ARMH1: variants seen among roughly 807,000 people sequenced by gnomAD.
ARMH1 encodes the protein armadillo-like helical domain containing protein 1.
In ARMH1, 34 loss-of-function variants were observed where a neutral mutation model predicts 50.2. The observed-to-expected ratio is 0.68, with a 90% CI of 0.51 to 0.90. ARMH1 has a LOEUF of 0.90. Ranked by LOEUF, ARMH1 falls within the 40% of genes least tolerant of loss-of-function variation. The pLI is 0.00. For missense variants in ARMH1, 538 were observed against 553.9 expected (o/e 0.97, Z 0.29); for synonymous variants, 221 against 224.2 (o/e 0.99, Z 0.13).
Position 44,724,638 on chromosome 1 carries a change from C to G in ARMH1, c.1020C>G (p.Asn340Lys). 1.3e-6 allele frequency: 2 copies of G among 1,504,944 alleles called. No individual in the cohort carries two copies. 93.2% of individuals were successfully genotyped at this position (1,504,944 alleles called of 1,614,324 possible). ...MAAMGNTDHS[N>K]SQRLASLTLE... ...CCATGGGCAACACGGACCACAGCAA[C>G]AGCCAGCGGCTGGCCAGCCTCACGC... is the stretch of plus-strand genomic sequence containing the variant. The change falls in exon 9 of 12, where the codon AAC (asparagine) becomes AAG (lysine). Residue 340 changes from asparagine to lysine, a missense_variant. Coordinates refer to ENST00000535358, the MANE Select transcript of ARMH1 (RefSeq NM_001145636.2). This position sits in a 1 kb window ranked among gnomAD's most constrained non-coding sequence, Gnocchi z 6.4.
intron 6 of ARMH1, among the ~76,000 whole-genome samples, chr1:44,708,103 G>A (rs1356464432): frequency 6.6e-6 from 1 of 152,224 alleles, no homozygotes; most frequent in South Asian, 2.1e-4. Context: ...CAGAGTAGAC[G>A]GGAAGTTAAG....
chr1:44,708,161 G>A (rs557264625), intron 6 of ARMH1, among the ~76,000 whole-genome samples: 18 of 152,364 alleles, frequency 1.2e-4, no homozygotes, highest in Admixed American at 1.1e-3. Context: ...AACTCCGCCC[G>A]AGGGAGGGAA....
At chr1:44,717,175 A>C (rs1338743492) in intron 6 of ARMH1, among the ~76,000 whole-genome samples, 1 of 152,184 alleles carries the variant, frequency 6.6e-6, no homozygotes, top group South Asian at 2.1e-4. Context: ...CTTATTAGCT[A>C]TCTGATCCTG....
intron 6 of ARMH1, among the ~76,000 whole-genome samples, chr1:44,722,527 C>A (rs1002194725): frequency 1.3e-5 from 2 of 150,934 alleles, no homozygotes; most frequent in Non-Finnish European, 2.9e-5. Context: ...CTTTGGGAGG[C>A]CTGAGGTCAG....
Position 44,705,880 on chromosome 1 carries a change from G to A in ARMH1, c.724+1707G>A, listed in dbSNP as rs181959840. ...AGCCGTGGAGAATAGGGAGGATTTG[G>A]GAAGGTCGAAAGGAGGAGAGGAGTT... is the stretch of plus-strand genomic sequence containing the variant. On this transcript the variant is annotated intron_variant, in intron 6 of 11. Coordinates refer to ENST00000535358, the MANE Select transcript of ARMH1 (RefSeq NM_001145636.2). 4.7e-4 allele frequency among the ~76,000 whole-genome samples: 72 copies of A among 152,270 alleles called. 1 individual carries two copies. The highest frequency in any genetic ancestry group is 4.6e-3 in the Admixed American group (70 of 15,298).
At chr1:44,715,839 A>C (rs2148743345) in intron 6 of ARMH1, among the ~76,000 whole-genome samples, 2 of 152,352 alleles carry the variant, frequency 1.3e-5, no homozygotes, top group Non-Finnish European at 2.9e-5. Context: ...CTGGGATTAC[A>C]GGCGTGAGCC....
intron 4 of ARMH1, among the ~76,000 whole-genome samples, chr1:44,700,018 C>G (rs1645993772): frequency 6.6e-6 from 1 of 151,606 alleles, no homozygotes; most frequent in South Asian, 2.1e-4. Context: ...TTAATACAGA[C>G]AGGGTTTCAC....
Position 44,724,797 on chromosome 1 carries a change from C to T in ARMH1, c.1086C>T (p.His362=). 1 of 1,543,776 alleles carries T rather than the reference C, an allele frequency of 6.5e-7. No individual in the cohort carries two copies. The highest frequency in any genetic ancestry group is 8.7e-7 in the Non-Finnish European group (1 of 1,146,740). ...AGATGTTCCCCTTGGTGGCGGAGCA[C>T]GTGCGCAAGTGCATGGGGGAGGAAC... ...FVQMFPLVAE[H]VRKCMGEELY... Residue 362 remains histidine (H), a synonymous_variant, in exon 10 of 12, where the codon CAC becomes CAT. Coordinates refer to ENST00000535358, the MANE Select transcript of ARMH1 (RefSeq NM_001145636.2). This position sits in a 1 kb window ranked among gnomAD's most constrained non-coding sequence, Gnocchi z 6.4.
intron 1 of ARMH1, among the ~76,000 whole-genome samples, chr1:44,688,585 A>G (rs945087010): frequency 4.6e-5 from 7 of 152,204 alleles, no homozygotes; most frequent in Admixed American, 2.0e-4. Flanking sequence ...CTCCATATCA[A>G]TCATGGCCCC....
In ARMH1 at chr1:44,681,736, G is replaced by A. The variant is rs1003237512; in HGVS notation, c.-23+6863G>A. On this transcript the variant is annotated intron_variant, in intron 1 of 11. Transcript: ENST00000535358. The surrounding 1 kb of genome is among the most constrained non-coding windows in gnomAD (Gnocchi z 4.3). ...TACCTAATGGCCTATAACTTTCTTTGTTAAACCCAAAAGTAGGCCTTCTGA... is the reference window on the plus strand; with the variant it reads ...TACCTAATGGCCTATAACTTTCTTTATTAAACCCAAAAGTAGGCCTTCTGA... Among the ~76,000 whole-genome samples the A allele has an allele frequency of 2.0e-5, 3 of 152,176 alleles. No homozygotes were observed. Among genetic ancestry groups the A allele is most frequent in the African/African-American group, 7.2e-5 (3 of 41,434 alleles).
Position 44,724,896 on chromosome 1 carries a change from A to G in ARMH1, c.1128+57A>G. On this transcript the variant is annotated intron_variant, in intron 10 of 11. Transcript: ENST00000535358. The surrounding 1 kb of genome is among the most constrained non-coding windows in gnomAD (Gnocchi z 6.4). The stretch of plus-strand genomic sequence containing the variant: ...AGCAGATGGCGGCTCGGACAGTGTG[A>G]TGCCCCTTCAGACAGTCCCCATCCT... The G allele has an allele frequency of 6.6e-7, 1 of 1,526,002 alleles. No homozygotes were observed. Among genetic ancestry groups the G allele is most frequent in the Non-Finnish European group, 8.8e-7 (1 of 1,139,740 alleles). 94.5% of individuals were successfully genotyped at this position (1,526,002 alleles called of 1,614,324 possible).
intron 6 of ARMH1, among the ~76,000 whole-genome samples, chr1:44,722,834 T>C (rs1173520250): frequency 2.8e-5 from 4 of 142,090 alleles, no homozygotes; most frequent in Non-Finnish European, 6.0e-5. Context: ...CCGAGGCGCG[T>C]GGATCACGAG....
At chr1:44,693,568 C>T (rs1210699407) in intron 2 of ARMH1, among the ~76,000 whole-genome samples, 1 of 152,176 alleles carries the variant, frequency 6.6e-6, no homozygotes, top group Non-Finnish European at 1.5e-5. Context: ...CCCACCTCAA[C>T]CTCCCAAGTG....
intron 1 of ARMH1, among the ~76,000 whole-genome samples, chr1:44,675,387 G>A (rs1354082129): frequency 1.3e-5 from 2 of 152,316 alleles, no homozygotes; most frequent in East Asian, 1.9e-4. Flanking sequence ...CATGCCAGGC[G>A]CGGTGGCTCA....
chr1:44,721,733 C>A (rs746023351), intron 6 of ARMH1: 1 of 151,974 alleles, frequency 6.6e-6, no homozygotes, highest in African/African-American at 2.4e-5. Flanking sequence ...ACCCCAACCT[C>A]CCAAAGCATG....
At chr1:44,717,301 C>T (rs139433460) in intron 6 of ARMH1, among the ~76,000 whole-genome samples, 26 of 152,336 alleles carry the variant, frequency 1.7e-4, no homozygotes, top group African/African-American at 6.0e-4. Context: ...GGCTGGCCTG[C>T]CTCCACAGGC....
intron 6 of ARMH1, among the ~76,000 whole-genome samples, chr1:44,708,986 T>G (rs1646463018): frequency 6.6e-6 from 1 of 152,108 alleles, no homozygotes. Flanking sequence ...CTTTGAGAAT[T>G]TATGGATTAA....
intron 6 of ARMH1, chr1:44,721,779 A>G (rs1008987844): frequency 1.3e-5 from 2 of 152,104 alleles, no homozygotes; most frequent in East Asian, 1.9e-4. Flanking sequence ...TTAGTAACAG[A>G]ACATTCAGCC....
intron 6 of ARMH1, among the ~76,000 whole-genome samples, chr1:44,720,761 C>T (rs1014808409): frequency 5.9e-5 from 9 of 152,076 alleles, no homozygotes; most frequent in African/African-American, 2.2e-4. Flanking sequence ...TCAGGCCGGG[C>T]GTGGTGGCTC....
Sources: gnomAD v4.1 joint callset for allele counts (sites outside exome capture counted in the v4.1 genomes callset) on GRCh38, gnomAD v4.1.1 for gene constraint, Gnocchi (gnomAD v3.1) non-coding constraint, MANE v1.5 for transcripts, NCBI Gene and HGNC (gene_info 2026-07-23, HGNC 2026-07-21) for gene names.